The following SH2B3 variants were observed in gnomAD, a reference collection of about 807,000 sequenced individuals.
The protein encoded by SH2B3 is SH2B adaptor protein 3.
A neutral mutation model predicts 51.9 loss-of-function variants in SH2B3; 43 were observed. The observed-to-expected ratio is 0.83, with a 90% confidence interval of 0.65 to 1.07. The LOEUF is 1.07. SH2B3 is among the 50% of genes least tolerant of loss of function. SH2B3 has a pLI of 0.00. For missense variants in SH2B3, 952 were observed against 834.3 expected (o/e 1.14, Z -1.74); for synonymous variants, 396 against 376.0 (o/e 1.05, Z -0.62).
chr12:111,412,444 A>G (rs1323582176), intron 1 of SH2B3, among the ~76,000 whole-genome samples: 1 of 152,206 alleles, frequency 6.6e-6, no homozygotes, highest in East Asian at 1.9e-4. Context: ...CCCATGAGGC[A>G]GGCCCCCCTG....
chr12:111,447,228 A>G lies in SH2B3; in HGVS notation c.1021+9A>G, dbSNP rs552012595. 6.8e-6 allele frequency: 11 copies of G among 1,606,584 alleles called. No homozygotes were observed. In the East Asian group the frequency reaches 2.0e-4, roughly 29 times the overall value. On this transcript the variant is annotated intron_variant, in intron 5 of 7. Transcript: ENST00000341259. ...AGATTCCCTTAACCAAGGTGGGTAA[A>G]CCAATAGCTAGGCCATTGTCTTCTG... is the stretch of plus-strand genomic sequence containing the variant.
In SH2B3 at chr12:111,418,159, C is replaced by T. The variant is rs752520582; in HGVS notation, c.14C>T (p.Ala5Val). 1.3e-6 allele frequency: 2 copies of T among 1,528,762 alleles called. No homozygotes were observed. Among genetic ancestry groups the T allele is most frequent in the South Asian group, 1.3e-5 (1 of 78,856 alleles). The allele number at this position is 1,528,762 out of a possible 1,614,324, so 94.7% of individuals were successfully genotyped here. The stretch of plus-strand genomic sequence containing the variant: ...TGGGTCTCCGCCATGAACGGGCCTG[C>T]CCTGCAGCCCTCCTCGCCCTCTTCC... MNGP[A>V]LQPSSPSSAP... The change falls in exon 2 of 8, where the codon GCC (alanine) becomes GTC (valine). Residue 5 changes from alanine (A) to valine (V), a missense_variant. Physicochemically the swap from Ala to Val is moderately conservative, Grantham distance 64 (BLOSUM62 0). Coordinates refer to ENST00000341259, the MANE Select transcript of SH2B3 (RefSeq NM_005475.3). The surrounding 1 kb of genome is among the most constrained non-coding windows in gnomAD (Gnocchi z 6.7).
chr12:111,442,874 A>AGCCCT (rs1160828073), intron 2 of SH2B3, among the ~76,000 whole-genome samples: 1 of 152,202 alleles, frequency 6.6e-6, no homozygotes, highest in Non-Finnish European at 1.5e-5. Flanking sequence ...TGGTGTGTCC[A>AGCCCT]GCCCTGCCCT....
intron 2 of SH2B3, among the ~76,000 whole-genome samples, chr12:111,436,526 C>T (rs542934199): frequency 1.3e-5 from 2 of 152,254 alleles, no homozygotes; most frequent in East Asian, 1.9e-4. Flanking sequence ...TAACTGGCCC[C>T]TCCACCCTTG....
In SH2B3 at chr12:111,447,413, A is replaced by T; in HGVS notation, c.1105A>T (p.Ile369Phe). Reference sequence around the variant, plus strand: ...CTGCTACCCCTGGTTCCACGGCCCCATCTCCAGAGTGAAAGCAGCTCAGCT... The same window carrying T: ...CTGCTACCCCTGGTTCCACGGCCCCTTCTCCAGAGTGAAAGCAGCTCAGCT... The part of the protein sequence containing the change: ...LSCYPWFHGP[I>F]SRVKAAQLVQ... Residue 369 changes from isoleucine (I) to phenylalanine (F), a missense_variant, in exon 6 of 8, where the codon ATC (isoleucine) becomes TTC (phenylalanine). Ile to Phe is a conservative substitution (Grantham distance 21). Coordinates refer to ENST00000341259, the MANE Select transcript of SH2B3 (RefSeq NM_005475.3). 6.2e-7 allele frequency: 1 copy of T among 1,614,040 alleles called. No homozygotes were observed. The highest frequency in any genetic ancestry group is 8.5e-7 in the Non-Finnish European group (1 of 1,179,972).
chr12:111,420,666 T>C (rs748644591), intron 2 of SH2B3, among the ~76,000 whole-genome samples: 1 of 152,224 alleles, frequency 6.6e-6, no homozygotes, highest in Non-Finnish European at 1.5e-5. Context: ...CAGATATTTA[T>C]GGAGCACCTA....
At chr12:111,442,854 G>A (rs936006696) in intron 2 of SH2B3, among the ~76,000 whole-genome samples, 1 of 152,230 alleles carries the variant, frequency 6.6e-6, no homozygotes, top group African/African-American at 2.4e-5. Context: ...CCAGAGCTCT[G>A]GCCTTTGACT....
intron 1 of SH2B3, among the ~76,000 whole-genome samples, chr12:111,414,967 C>G (rs542036494): frequency 2.9e-3 from 448 of 152,320 alleles, no homozygotes; most frequent in Non-Finnish European, 4.8e-3. Flanking sequence ...TACGTGTCCC[C>G]CTTTGTAATG....
chr12:111,443,890 CT>C (rs1873669149), intron 2 of SH2B3: 2 of 152,220 alleles, frequency 1.3e-5, no homozygotes, highest in South Asian at 4.1e-4. Flanking sequence ...AGGGCTGAAT[CT>C]TAAAACCTAG....
Position 111,418,343 on chromosome 12 carries a change from G to A in SH2B3, c.198G>A (p.Gln66=), listed in dbSNP as rs773316038. 1.0e-5 allele frequency: 16 copies of A among 1,524,160 alleles called. No individual in the cohort carries two copies. The highest frequency in any genetic ancestry group is 1.4e-5 in the African/African-American group (1 of 71,192). 94.4% of individuals were successfully genotyped at this position (1,524,160 alleles called of 1,614,324 possible). ...APLRAELVSL[Q]FTDLFQRYFC... is the part of the protein sequence containing the mutation. ...TGCGCGCCGAGCTGGTGTCGCTGCAGTTCACCGACCTCTTCCAGCGCTACT... is the reference window on the plus strand; with the variant it reads ...TGCGCGCCGAGCTGGTGTCGCTGCAATTCACCGACCTCTTCCAGCGCTACT... Residue 66 remains glutamine, a synonymous_variant, in exon 2 of 8, where the codon CAG becomes CAA. Transcript: ENST00000341259. The surrounding 1 kb of genome is among the most constrained non-coding windows in gnomAD (Gnocchi z 6.7).
In SH2B3 at chr12:111,451,522, ATTG is replaced by A. The variant is rs1300038332; in HGVS notation, c.*3223_*3225del. ...GAAGGTATTTGGCAAATTTTTATGT[ATTG>A]TTTTATGTACTGTACAAGTAACTTA... On this transcript the variant is annotated 3_prime_UTR_variant, in exon 8 of 8. Coordinates refer to ENST00000341259, the MANE Select transcript of SH2B3 (RefSeq NM_005475.3). 19 of 152,658 alleles carry A rather than the reference ATTG, an allele frequency of 1.2e-4. No individual in the cohort carries two copies. The highest frequency in any genetic ancestry group is 7.2e-4 in the Admixed American group (11 of 15,286). 9.5% of individuals were successfully genotyped at this position (152,658 alleles called of 1,614,324 possible). A position where few individuals can be genotyped will look rare whatever the true frequency, so the allele number is the denominator to read the frequency against.
intron 2 of SH2B3, among the ~76,000 whole-genome samples, chr12:111,436,669 G>A (rs922119273): frequency 1.3e-5 from 2 of 151,950 alleles, no homozygotes; most frequent in Admixed American, 6.5e-5. Context: ...GGTGTCTGTC[G>A]CTGTAGGGAG....
intron 5 of SH2B3, 52 bp downstream of exon 5, chr12:111,447,271 A>T (rs1381400125): frequency 3.8e-6 from 6 of 1,590,724 alleles, no homozygotes; most frequent in Middle Eastern, 1.7e-4. Flanking sequence ...TGGAACCCAG[A>T]CTCAGCCCAG....
rs889717816 is a variant in SH2B3, at chr12:111,421,262, C to G, written c.732+2385C>G. On this transcript the variant is annotated intron_variant, in intron 2 of 7. Transcript: ENST00000341259. ...GCCTCAGGTTATTTTTGTGCCTCAG[C>G]CTCCCCAGTAGCTGGGATCACCGTC... is the stretch of plus-strand genomic sequence containing the variant. Among the ~76,000 whole-genome samples the G allele has an allele frequency of 3.9e-5, 6 of 152,118 alleles. No homozygotes were observed. In the East Asian group the frequency reaches 1.2e-3, roughly 29 times the overall value.
At position 111,435,653 on chromosome 12, in the gene SH2B3, C is replaced by T. The variant is rs1199103392; in HGVS notation, c.733-11100C>T. Among the ~76,000 whole-genome samples, 1 of 152,188 alleles carries T rather than the reference C, an allele frequency of 6.6e-6. No individual in the cohort carries two copies. The highest frequency in any genetic ancestry group is 1.5e-5 in the Non-Finnish European group (1 of 68,032). ...GTTACAGGCGTGAACAACCCCCACC[C>T]ACTGCAGGGAGCCAGGCTTGCCCCC... On this transcript the variant is annotated intron_variant, in intron 2 of 7. Transcript: ENST00000341259. This position sits in a 1 kb window ranked among gnomAD's most constrained non-coding sequence, Gnocchi z 4.8.
At chr12:111,411,827 G>A (rs1870724345) in intron 1 of SH2B3, among the ~76,000 whole-genome samples, 1 of 152,186 alleles carries the variant, frequency 6.6e-6, no homozygotes, top group African/African-American at 2.4e-5. Flanking sequence ...GATGCACCAG[G>A]CTGAGTTATT....
intron 2 of SH2B3, among the ~76,000 whole-genome samples, chr12:111,420,387 A>G (rs898772350): frequency 6.6e-6 from 1 of 151,500 alleles, no homozygotes; most frequent in Non-Finnish European, 1.5e-5. Context: ...AAAAAAAAAA[A>G]AAAAGTTCTT....
chr12:111,412,512 T>A (rs1870783928), intron 1 of SH2B3, among the ~76,000 whole-genome samples: 3 of 152,182 alleles, frequency 2.0e-5, no homozygotes, highest in Admixed American at 6.5e-5. Context: ...CTAACAGTGA[T>A]AGTAAGAAAA....
intron 2 of SH2B3, among the ~76,000 whole-genome samples, chr12:111,424,905 T>C (rs541565779): frequency 6.6e-6 from 1 of 152,322 alleles, no homozygotes; most frequent in Non-Finnish European, 1.5e-5. Context: ...GCTTAAGCTT[T>C]GGATCTGCAC....
Sources: gnomAD v4.1 joint callset for allele counts (sites outside exome capture counted in the v4.1 genomes callset) on GRCh38, gnomAD v4.1.1 for gene constraint, Gnocchi (gnomAD v3.1) non-coding constraint, MANE v1.5 for transcripts, NCBI Gene and HGNC (gene_info 2026-07-23, HGNC 2026-07-21) for gene names.